The following ACACA variants were observed in gnomAD, a reference collection of about 807,000 sequenced individuals.
ACACA encodes acetyl-CoA carboxylase alpha.
ACACA carries 103 observed loss-of-function variants against 296.1 expected under a neutral mutation model. The ratio of observed to expected loss-of-function variants is 0.35; its 90% CI spans 0.30 to 0.41. The LOEUF (loss-of-function observed/expected upper bound fraction) is 0.41. Ranked by LOEUF, ACACA falls within the 10% of genes least tolerant of loss-of-function variation. The pLI, the probability that ACACA is intolerant of heterozygous loss-of-function variation, is 1.00. For missense variants in ACACA, 1,554 were observed against 2,989.7 expected (o/e 0.52, Z 11.20); for synonymous variants, 953 against 1,038.6 (o/e 0.92, Z 1.58).
intron 1 of ACACA, among the ~76,000 whole-genome samples, chr17:37,348,246 C>T (rs927339398): frequency 6.6e-6 from 1 of 151,984 alleles, no homozygotes; most frequent in East Asian, 1.9e-4. Context: ...GTAACAGAAG[C>T]TCCCAAAAGC....
In ACACA at chr17:37,128,024, C is replaced by CAAAAA. The variant is rs1173864454; in HGVS notation, c.5944+1336_5944+1340dup. ...GGAGGACAAGAGTGAAACTCCATCT[C>CAAAAA]AAAAAAAAAAAAAAAAAAAAAAAAA... On this transcript the variant is annotated intron_variant, in intron 47 of 55. Coordinates refer to ENST00000616317, the MANE Select transcript of ACACA (RefSeq NM_198834.3). Among the ~76,000 whole-genome samples, 45 of 39,748 alleles carry CAAAAA rather than the reference C, an allele frequency of 1.1e-3. 1 individual carries two copies. The highest frequency in any genetic ancestry group is 1.3e-3 in the Non-Finnish European group (29 of 21,800). The allele number at this position is 39,748 out of a possible 152,430, so 26.1% of individuals were successfully genotyped here. A position where few individuals can be genotyped will look rare whatever the true frequency, so the allele number is the denominator to read the frequency against.
At chr17:37,098,140 A>G (rs1424747737) in intron 52 of ACACA, among the ~76,000 whole-genome samples, 156 bp from the exon 53 acceptor site, 1 of 152,142 alleles carries the variant, frequency 6.6e-6, no homozygotes, top group Non-Finnish European at 1.5e-5. Context: ...GCTGATTAAC[A>G]GGGCCCTACA....
Position 37,121,638 on chromosome 17 carries a change from A to G in ACACA, c.6139-148T>C. On this transcript the variant is annotated intron_variant, in intron 49 of 55. Coordinates refer to ENST00000616317, the MANE Select transcript of ACACA (RefSeq NM_198834.3). ...TGTTCATCAAGATCATCATGTTTGGAGTAAAAAAGAAGAAAGGATCCTCGA... is the reference window on the plus strand; with the variant it reads ...TGTTCATCAAGATCATCATGTTTGGGGTAAAAAAGAAGAAAGGATCCTCGA... 3.1e-5 allele frequency: 32 copies of G among 1,046,728 alleles called. 1 individual carries two copies. The South Asian group carries it at 4.2e-4, about 14-fold the overall frequency. The allele number at this position is 1,046,728 out of a possible 1,614,324, so 64.8% of individuals were successfully genotyped here.
chr17:37,386,304 T>A (rs1597773317), intron 1 of ACACA, among the ~76,000 whole-genome samples: 1 of 152,054 alleles, frequency 6.6e-6, no homozygotes, highest in African/African-American at 2.4e-5. Context: ...AAAATTAGCT[T>A]CTCTAGGCCG....
chr17:37,242,487 G>A (rs2080463559), intron 22 of ACACA, among the ~76,000 whole-genome samples: 1 of 152,148 alleles, frequency 6.6e-6, no homozygotes. Context: ...CAGCACTTTG[G>A]GAGGCCAAGG....
rs11263822 is a variant in ACACA at position 37,184,306 on chromosome 17, A to G, written c.4777-2950T>C. Among the ~76,000 whole-genome samples the G allele has an allele frequency of 0.014, 2,136 of 152,280 alleles. 64 individuals are homozygous for G. In the East Asian group the frequency reaches 0.16, roughly 11 times the overall value. Reference sequence around the variant, plus strand: ...TCTATTCTCATCATTCCTCCCATTAATTCATAAAGAACCATCTAATATCTG... The same window carrying G: ...TCTATTCTCATCATTCCTCCCATTAGTTCATAAAGAACCATCTAATATCTG... On this transcript the variant is annotated intron_variant, in intron 39 of 55. Transcript: ENST00000616317.
intron 22 of ACACA, 108 bp from the exon 23 acceptor site, chr17:37,242,161 T>C (rs2145944231): frequency 1.2e-6 from 1 of 841,740 alleles, no homozygotes; most frequent in Admixed American, 1.9e-5. Context: ...AACATGGCAG[T>C]TCCTATCTCA....
At chr17:37,325,144 T>A (rs1164671871) in intron 3 of ACACA, among the ~76,000 whole-genome samples, 5 of 147,776 alleles carry the variant, frequency 3.4e-5, no homozygotes, top group Admixed American at 6.9e-5. Context: ...GAGGTTGCAG[T>A]GAGCCAAGAT....
In ACACA at chr17:37,274,260, C is replaced by T. The variant is rs756880093; in HGVS notation, c.941G>A (p.Arg314His). 5.6e-6 allele frequency: 9 copies of T among 1,614,140 alleles called. No homozygotes were observed. Among genetic ancestry groups the T allele is most frequent in the South Asian group, 2.2e-5 (2 of 91,076 alleles). The change falls in exon 9 of 56, where the codon CGT (arginine) becomes CAT (histidine). Residue 314 changes from arginine (R) to histidine (H), a missense_variant. Arg to His is a conservative substitution (Grantham distance 29). Transcript: ENST00000616317. ...VDWQENDFSK[R>H]ILNVPQELYE... is the part of the protein sequence containing the mutation. ...TAGCTCCTGGGGAACATTTAAGATA[C>T]GTTTTGAAAAATCATTTTCCTGCCA...
intron 1 of ACACA, among the ~76,000 whole-genome samples, chr17:37,353,150 T>C (rs2147501329): frequency 6.6e-6 from 1 of 152,302 alleles, no homozygotes; most frequent in East Asian, 1.9e-4. Context: ...ACAGCTTGCC[T>C]TGCCAGGGCC....
At chr17:37,156,648 T>A (rs1475213530) in intron 42 of ACACA, among the ~76,000 whole-genome samples, 1 of 152,222 alleles carries the variant, frequency 6.6e-6, no homozygotes, top group African/African-American at 2.4e-5. Context: ...TGTAAACAAT[T>A]ATACTAACAT....
At chr17:37,202,346 A>T (rs956735118) in intron 33 of ACACA, among the ~76,000 whole-genome samples, 1 of 152,178 alleles carries the variant, frequency 6.6e-6, no homozygotes, top group African/African-American at 2.4e-5. Context: ...GTAATAATGC[A>T]GGTCTCACAG....
At chr17:37,123,679 C>A (rs896060430) in intron 48 of ACACA, among the ~76,000 whole-genome samples, 2 of 152,100 alleles carry the variant, frequency 1.3e-5, no homozygotes, top group South Asian at 2.1e-4. Context: ...GACCACCCAC[C>A]CCCTTGTCAC....
chr17:37,405,855 C>CTTTTT (rs3049528), intron 1 of ACACA, among the ~76,000 whole-genome samples: 5 of 53,524 alleles, frequency 9.3e-5, no homozygotes, highest in Non-Finnish European at 1.8e-4. Flanking sequence ...CCCGGCAGGG[C>CTTTTT]TTTTTTTTTT....
At chr17:37,200,960 C>A (rs2078219694) in intron 33 of ACACA, among the ~76,000 whole-genome samples, 1 of 152,194 alleles carries the variant, frequency 6.6e-6, no homozygotes, top group South Asian at 2.1e-4. Flanking sequence ...TCAGATACAG[C>A]ATCCCTAGAA....
At chr17:37,169,217 GCAACTTGAGAATAGCAACAGCTCTCCTC>G (rs576226642) in intron 41 of ACACA, among the ~76,000 whole-genome samples, 17 of 152,296 alleles carry the variant, frequency 1.1e-4, no homozygotes, top group African/African-American at 4.1e-4. Flanking sequence ...GAGGAAGCTT[GCAACTTGAGAATAGCAACAGCTCTCCTC>G]CAGTGTAGAA....
chr17:37,403,368 C>CT lies in ACACA; in HGVS notation c.38+2893dup, dbSNP rs36037660. Among the ~76,000 whole-genome samples, 1,066 of 112,122 alleles carry CT rather than the reference C, an allele frequency of 9.5e-3. 14 individuals are homozygous for CT. The highest frequency in any genetic ancestry group is 0.024 in the African/African-American group (642 of 27,152). The allele number at this position is 112,122 out of a possible 152,430, so 73.6% of individuals were successfully genotyped here. On this transcript the variant is annotated intron_variant, in intron 1 of 55. Coordinates refer to ENST00000616317, the MANE Select transcript of ACACA (RefSeq NM_198834.3). ...ACTGTGCATGTTAATTTTGCCACAT[C>CT]TTTTTTTTTTTTTTTTTTTTTGGTA... is the stretch of plus-strand genomic sequence containing the variant.
intron 29 of ACACA, among the ~76,000 whole-genome samples, chr17:37,212,853 C>A (rs1598194022): frequency 6.8e-6 from 1 of 146,888 alleles, no homozygotes; most frequent in Admixed American, 6.9e-5. Context: ...ACAAATGTGG[C>A]ATATCGCACA....
At chr17:37,296,737 G>A (rs1192960770) in intron 3 of ACACA, among the ~76,000 whole-genome samples, 1 of 152,014 alleles carries the variant, frequency 6.6e-6, no homozygotes, top group African/African-American at 2.4e-5. Flanking sequence ...GTGTGTGTGA[G>A]GCAGAGTCTC....
Sources: allele counts gnomAD v4.1 joint callset (sites outside exome capture counted in the v4.1 genomes callset), GRCh38; gene constraint gnomAD v4.1.1; transcripts MANE v1.5; gene names NCBI Gene and HGNC (gene_info 2026-07-23, HGNC 2026-07-21).